The following CTNNA2 variants were observed in gnomAD, a reference collection of about 807,000 sequenced individuals.
CTNNA2 encodes catenin alpha-2.
A neutral mutation model predicts 101.0 loss-of-function variants in CTNNA2; 42 were observed. That is an observed-to-expected ratio of 0.42 (90% CI 0.32 to 0.54). The LOEUF (loss-of-function observed/expected upper bound fraction) is 0.54, where lower values mean the gene tolerates loss of function less well. CTNNA2 is among the 20% of genes least tolerant of loss of function. The probability of loss-of-function intolerance (pLI) is 0.14; values close to 1 mark genes in which losing one functional copy is unlikely to be tolerated. For synonymous variants in CTNNA2, 450 were observed against 456.4 expected (o/e 0.99, Z 0.18); for missense variants, 871 against 1,223.1 (o/e 0.71, Z 4.29).
chr2:80,361,281 A>G (rs536492028), intron 7 of CTNNA2, among the ~76,000 whole-genome samples: 2 of 152,262 alleles, frequency 1.3e-5, no homozygotes, highest in South Asian at 4.1e-4. Context: ...GCATTTCTTA[A>G]TAGTAATACG....
chr2:79,803,273 A>G (rs1236086542), intron 3 of CTNNA2, among the ~76,000 whole-genome samples: 1 of 152,240 alleles, frequency 6.6e-6, no homozygotes, highest in African/African-American at 2.4e-5. Flanking sequence ...CAGCGGCGCT[A>G]GAGGAATTAA....
intron 3 of CTNNA2, among the ~76,000 whole-genome samples, chr2:79,839,133 G>T (rs752766096): frequency 3.0e-4 from 46 of 151,960 alleles, no homozygotes; most frequent in Non-Finnish European, 5.7e-4. Context: ...GCAGTAAGTG[G>T]TCTCATTTCT....
At chr2:80,079,838 A>AAAATAAAAT in intron 7 of CTNNA2, among the ~76,000 whole-genome samples, 1 of 85,388 alleles carries the variant, frequency 1.2e-5, no homozygotes, top group Middle Eastern at 5.1e-3. Flanking sequence ...TAAATAAAAT[A>AAAATAAAAT]AAATAAAATA....
chr2:80,589,903 T>TGTGTGTGTGTGTGC (rs1553400676), intron 15 of CTNNA2, among the ~76,000 whole-genome samples: 3 of 144,410 alleles, frequency 2.1e-5, no homozygotes, highest in East Asian at 2.1e-4. Flanking sequence ...TGTGTGTGTG[T>TGTGTGTGTGTGTGC]GTGCGCGCGC....
At chr2:79,872,938 T>C (rs1264573307) in intron 5 of CTNNA2, among the ~76,000 whole-genome samples, 1 of 152,202 alleles carries the variant, frequency 6.6e-6, no homozygotes, top group Non-Finnish European at 1.5e-5. Context: ...CATTTGAACA[T>C]TTTCTTAACA....
intron 9 of CTNNA2, among the ~76,000 whole-genome samples, chr2:80,428,680 T>A (rs1681210521): frequency 1.3e-5 from 2 of 152,178 alleles, no homozygotes; most frequent in African/African-American, 4.8e-5. Flanking sequence ...GTCCTGGGTT[T>A]AAATAAATGT....
intron 11 of CTNNA2, among the ~76,000 whole-genome samples, chr2:80,551,206 A>G (rs1393257214): frequency 2.6e-5 from 4 of 152,206 alleles, no homozygotes; most frequent in African/African-American, 9.7e-5. Context: ...TGGACTTGAA[A>G]TATTCAGTAA....
intron 7 of CTNNA2, among the ~76,000 whole-genome samples, chr2:80,220,030 A>G (rs1274022277): frequency 6.6e-6 from 1 of 152,126 alleles, no homozygotes; most frequent in Non-Finnish European, 1.5e-5. Context: ...AAACAAAAAT[A>G]CCCAACTTCC....
chr2:79,712,528 A>G (rs563671290), intron 2 of CTNNA2, among the ~76,000 whole-genome samples: 2 of 152,138 alleles, frequency 1.3e-5, no homozygotes, highest in African/African-American at 2.4e-5. Flanking sequence ...CGAAGGAAAA[A>G]TCATTCCCCA....
chr2:79,687,486 A>G, intron 2 of CTNNA2: 1 of 539,706 alleles, frequency 1.9e-6, no homozygotes, highest in East Asian at 3.3e-5. Context: ...ATTAGCTTTC[A>G]TTTTTATTTG....
At chr2:79,945,193 C>T (rs1302023419) in intron 7 of CTNNA2, among the ~76,000 whole-genome samples, 5 of 152,058 alleles carry the variant, frequency 3.3e-5, no homozygotes, top group Non-Finnish European at 1.5e-5. Context: ...CAGGCATGCA[C>T]CACCACACCT....
intron 3 of CTNNA2, among the ~76,000 whole-genome samples, chr2:79,849,174 A>G (rs1009891696): frequency 6.6e-6 from 1 of 152,076 alleles, no homozygotes; most frequent in African/African-American, 2.4e-5. Flanking sequence ...TTCTGGAAAA[A>G]CCTAAAGAAT....
intron 7 of CTNNA2, among the ~76,000 whole-genome samples, chr2:80,079,828 TAAATAAAATAAAATAAAA>T (rs1411784891): frequency 3.3e-5 from 4 of 120,100 alleles, no homozygotes; most frequent in Admixed American, 2.5e-4. Context: ...TAAAATAAAA[TAAATAAAATAAAATAAAA>T]TAAAATAAAA....
At chr2:79,599,494 C>T (rs1435772488) in intron 1 of CTNNA2, among the ~76,000 whole-genome samples, 1 of 152,098 alleles carries the variant, frequency 6.6e-6, no homozygotes, top group African/African-American at 2.4e-5. Context: ...CTAAGATTCT[C>T]TGTGGCCTAT....
intron 1 of CTNNA2, among the ~76,000 whole-genome samples, chr2:79,554,269 C>T (rs747820928): frequency 5.9e-5 from 9 of 151,868 alleles, no homozygotes; most frequent in African/African-American, 1.2e-4. Context: ...GGAACTGATA[C>T]GATAGCCTTC....
At chr2:79,658,409 C>T (rs1412002775) in intron 2 of CTNNA2, among the ~76,000 whole-genome samples, 1 of 151,920 alleles carries the variant, frequency 6.6e-6, no homozygotes, top group Non-Finnish European at 1.5e-5. Flanking sequence ...GCTTTCAGTA[C>T]CATTTTCTTT....
At chr2:80,466,839 G>A (rs115261837) in intron 9 of CTNNA2, among the ~76,000 whole-genome samples, 2,012 of 152,296 alleles carry the variant, frequency 0.013, 45 homozygotes, top group African/African-American at 0.046. Flanking sequence ...GCATATTTTA[G>A]ATAACAAGAG....
intron 9 of CTNNA2, among the ~76,000 whole-genome samples, chr2:80,440,019 T>G (rs1020280442): frequency 1.3e-5 from 2 of 152,134 alleles, no homozygotes; most frequent in African/African-American, 2.4e-5. Flanking sequence ...AATATATAAC[T>G]TATGTAATAG....
At chr2:79,428,471 T>G (rs17017088) in intron 4 of CTNNA2, among the ~76,000 whole-genome samples, 1 of 151,900 alleles carries the variant, frequency 6.6e-6, no homozygotes, top group South Asian at 2.1e-4. Context: ...CTTGACAGGA[T>G]GAAAAGGGCA....
Sources: allele counts gnomAD v4.1 joint callset (sites outside exome capture counted in the v4.1 genomes callset), GRCh38; gene constraint gnomAD v4.1.1; transcripts MANE v1.5; gene names NCBI Gene and HGNC (gene_info 2026-07-23, HGNC 2026-07-21).